Variants in STARD13 observed in about 807,000 individuals in gnomAD.
The protein encoded by STARD13 is stAR-related lipid transfer protein 13.
In STARD13, 62 loss-of-function variants were observed where a neutral mutation model predicts 106.4. The observed-to-expected ratio is 0.58, with a 90% CI of 0.48 to 0.72. The LOEUF is 0.72. STARD13 is among the 30% of genes least tolerant of loss of function. The pLI, the probability that STARD13 is intolerant of heterozygous loss-of-function variation, is 0.00. For synonymous variants in STARD13, 565 were observed against 553.0 expected (o/e 1.02, Z -0.31); for missense variants, 1,387 against 1,424.0 (o/e 0.97, Z 0.42).
the STARD13 span, among the ~76,000 whole-genome samples, chr13:33,468,099 C>T: frequency 6.6e-6 from 1 of 152,158 alleles, no homozygotes; most frequent in Non-Finnish European, 1.5e-5. Context: ...CCTGAACTTC[C>T]CAGGACCCCG....
chr13:33,608,980 G>T, the STARD13 span, among the ~76,000 whole-genome samples: 1 of 151,044 alleles, frequency 6.6e-6, no homozygotes, highest in Non-Finnish European at 1.5e-5. Flanking sequence ...CAGCTACTCG[G>T]GAGGCTGAGG....
At chr13:33,258,166 A>G (rs1890460660) in intron 1 of STARD13, among the ~76,000 whole-genome samples, 1 of 152,190 alleles carries the variant, frequency 6.6e-6, no homozygotes, top group Non-Finnish European at 1.5e-5. Flanking sequence ...CAATTTACAC[A>G]AAGCATCTTC....
the STARD13 span, among the ~76,000 whole-genome samples, chr13:33,615,518 C>T: frequency 6.6e-6 from 1 of 152,194 alleles, no homozygotes; most frequent in African/African-American, 2.4e-5. Flanking sequence ...TGAGAACTGG[C>T]TCCCAGAATA....
the STARD13 span, among the ~76,000 whole-genome samples, chr13:33,670,146 A>C: frequency 3.7e-4 from 56 of 152,322 alleles, no homozygotes; most frequent in African/African-American, 1.3e-3. Context: ...GGAAAGCCAC[A>C]GGGGGATGAG....
In STARD13 at chr13:33,133,064, CA is replaced by C. The variant is rs879796280; in HGVS notation, c.388-2776del. On this transcript the variant is annotated intron_variant, in intron 4 of 13. Coordinates refer to ENST00000336934, the MANE Select transcript of STARD13 (RefSeq NM_178006.4). ...TTTTAGCAGACAGTTTTTGAGAAGA[CA>C]AAAAAAAAGGATATGACTTTAAAGA... is the stretch of plus-strand genomic sequence containing the variant. 2.7e-3 allele frequency among the ~76,000 whole-genome samples: 402 copies of C among 148,806 alleles called. 4 individuals are homozygous for C. The highest frequency in any genetic ancestry group is 9.1e-3 in the African/African-American group (367 of 40,496).
chr13:33,314,276 A>G (rs1242488609), intron 1 of STARD13, among the ~76,000 whole-genome samples: 2 of 152,328 alleles, frequency 1.3e-5, no homozygotes, highest in African/African-American at 4.8e-5. Context: ...TAGTGGCATC[A>G]GAGAAACTCC....
At chr13:33,469,081 C>T in the STARD13 span, among the ~76,000 whole-genome samples, 2 of 152,198 alleles carry the variant, frequency 1.3e-5, no homozygotes, top group Admixed American at 6.5e-5. Flanking sequence ...AGCTAGCCTA[C>T]CATAATATAC....
the STARD13 span, among the ~76,000 whole-genome samples, chr13:33,469,083 A>G: frequency 2.0e-5 from 3 of 152,340 alleles, no homozygotes; most frequent in African/African-American, 7.2e-5. Flanking sequence ...CTAGCCTACC[A>G]TAATATACAT....
chr13:33,425,515 T>C, the STARD13 span, among the ~76,000 whole-genome samples: 3 of 152,086 alleles, frequency 2.0e-5, no homozygotes, highest in African/African-American at 7.2e-5. Context: ...AATGAGGAGG[T>C]ACATTTTTGT....
At chr13:33,385,212 G>C in the STARD13 span, among the ~76,000 whole-genome samples, 6 of 66,586 alleles carry the variant, frequency 9.0e-5, no homozygotes, top group Admixed American at 2.2e-4. Context: ...TGGAAGAAAG[G>C]TTCGGAATAT....
chr13:33,545,099 G>T, the STARD13 span, among the ~76,000 whole-genome samples: 1 of 152,074 alleles, frequency 6.6e-6, no homozygotes, highest in Non-Finnish European at 1.5e-5. Context: ...GGGATTACAG[G>T]CATGTGCCAC....
chr13:33,480,760 T>C, the STARD13 span, among the ~76,000 whole-genome samples: 1 of 152,168 alleles, frequency 6.6e-6, no homozygotes, highest in African/African-American at 2.4e-5. Context: ...GTAGTAGCAA[T>C]GAAATCCCCA....
At chr13:33,344,208 C>A (rs2077994685), downstream of STARD13, among the ~76,000 whole-genome samples, 1 of 152,134 alleles carries the variant, frequency 6.6e-6, no homozygotes. Flanking sequence ...CTGAAAGGCT[C>A]CAAATGAGTC....
rs569972315 is a variant in STARD13, at chr13:33,306,914, C to T, written c.124+43376G>A. Among the ~76,000 whole-genome samples, 6 of 151,826 alleles carry T rather than the reference C, an allele frequency of 4.0e-5. No homozygotes were observed. The South Asian group carries it at 1.3e-3, about 32-fold the overall frequency. On this transcript the variant is annotated intron_variant, in intron 1 of 5. Transcript: ENST00000567873. ...GTAGTGCGCCAAGATTGTGCCACTG[C>T]ACTCCAGCCTGTGCGACAGAGTGAG...
the STARD13 span, among the ~76,000 whole-genome samples, chr13:33,537,717 A>G: frequency 2.0e-5 from 3 of 152,218 alleles, no homozygotes; most frequent in Admixed American, 1.3e-4. Context: ...CCAACAAGGA[A>G]AAGAAAAGAA....
At chr13:33,528,212 A>G in the STARD13 span, among the ~76,000 whole-genome samples, 87 of 126,082 alleles carry the variant, frequency 6.9e-4, 2 homozygotes, top group African/African-American at 2.7e-3. Flanking sequence ...ATACAGATAC[A>G]TGTGTGTGTG....
chr13:33,370,349 T>C, the STARD13 span, among the ~76,000 whole-genome samples: 1 of 152,210 alleles, frequency 6.6e-6, no homozygotes, highest in African/African-American at 2.4e-5. Context: ...CCACTTTTGC[T>C]GAATTTCCAT....
In STARD13 at chr13:33,163,673, T is replaced by TATATATAAAACATATATATATATAAC. The variant is rs1566038747; in HGVS notation, c.323+1638_323+1663dup. Among the ~76,000 whole-genome samples, 18 of 104,350 alleles carry TATATATAAAACATATATATATATAAC rather than the reference T, an allele frequency of 1.7e-4. 1 individual carries two copies. The highest frequency in any genetic ancestry group is 2.2e-4 in the Non-Finnish European group (12 of 55,750). The allele number at this position is 104,350 out of a possible 152,430, so 68.5% of individuals were successfully genotyped here. Reference sequence around the variant, plus strand: ...ATATATAAAACATATATATATAACATATATATAAAACATATATATATATAA... The same window carrying TATATATAAAACATATATATATATAAC: ...ATATATAAAACATATATATATAACATATATATAAAACATATATATATATAACATATATAAAACATATATATATATAA... On this transcript the variant is annotated intron_variant, in intron 3 of 13. Transcript: ENST00000336934.
Position 33,302,441 on chromosome 13 carries a change from G to T in STARD13, c.124+47849C>A, listed in dbSNP as rs372137645. ...TTAATTTTTCTGTTTTTTGAGACAA[G>T]GTCTCACTCTGTTGCCCAGAATGGA... On this transcript the variant is annotated intron_variant, in intron 1 of 5. Transcript: ENST00000567873. Among the ~76,000 whole-genome samples, 204 of 152,092 alleles carry T rather than the reference G, an allele frequency of 1.3e-3. 2 individuals carry two copies. Among genetic ancestry groups the T allele is most frequent in the African/African-American group, 4.7e-3 (196 of 41,474 alleles).
Sources: gnomAD v4.1 joint callset for allele counts (sites outside exome capture counted in the v4.1 genomes callset) on GRCh38, gnomAD v4.1.1 for gene constraint, MANE v1.5 for transcripts, NCBI Gene and HGNC (gene_info 2026-07-23, HGNC 2026-07-21) for gene names.